Variants in ACER3 observed in about 807,000 individuals in gnomAD.
ACER3 encodes the protein alkaline ceramidase 3, also known as alkCDase 3.
Under a neutral mutation model 48.9 loss-of-function variants are expected in ACER3, and 16 were observed. That is an observed-to-expected ratio of 0.33 (90% CI 0.22 to 0.50). The LOEUF (loss-of-function observed/expected upper bound fraction) is 0.50, where lower values mean the gene tolerates loss of function less well. ACER3 is among the 20% of genes least tolerant of loss of function. ACER3 has a pLI of 0.98. For missense variants in ACER3, 227 were observed against 326.0 expected (o/e 0.70, Z 2.34); for synonymous variants, 109 against 107.8 (o/e 1.01, Z -0.07).
chr11:76,964,689 AC>A (rs1363303256), intron 3 of ACER3, among the ~76,000 whole-genome samples: 1 of 151,442 alleles, frequency 6.6e-6, no homozygotes, highest in East Asian at 1.9e-4. Context: ...CACTGCTGAT[AC>A]CCAGGCAAAC....
intron 7 of ACER3, among the ~76,000 whole-genome samples, chr11:77,014,681 T>A (rs1269102714): frequency 6.6e-6 from 1 of 152,210 alleles, no homozygotes; most frequent in Non-Finnish European, 1.5e-5. Flanking sequence ...TGGCTACATA[T>A]AGTAGGCAAA....
At chr11:76,983,114 A>G (rs1591029219) in intron 4 of ACER3, among the ~76,000 whole-genome samples, 1 of 152,284 alleles carries the variant, frequency 6.6e-6, no homozygotes, top group East Asian at 1.9e-4. Flanking sequence ...TTTTTACAAA[A>G]TAGCCTGCTG....
At chr11:76,961,399 C>CAT (rs1211482092) in intron 3 of ACER3, among the ~76,000 whole-genome samples, 1 of 151,866 alleles carries the variant, frequency 6.6e-6, no homozygotes, top group Admixed American at 6.6e-5. Context: ...TTTTAATACA[C>CAT]ATATATATAC....
intron 4 of ACER3, among the ~76,000 whole-genome samples, chr11:76,977,312 A>ATAGGCTT (rs1435739784): frequency 2.0e-5 from 3 of 152,202 alleles, no homozygotes; most frequent in African/African-American, 7.2e-5. Context: ...GAACACTTTG[A>ATAGGCTT]TAGGCTGCCT....
chr11:76,934,375 C>A (rs1652909183), intron 2 of ACER3, among the ~76,000 whole-genome samples: 1 of 152,230 alleles, frequency 6.6e-6, no homozygotes, highest in Non-Finnish European at 1.5e-5. Flanking sequence ...GAGATCACGC[C>A]ACTGCACTCC....
intron 1 of ACER3, among the ~76,000 whole-genome samples, chr11:76,892,782 TTAAA>T (rs1225925706): frequency 6.6e-6 from 1 of 152,172 alleles, no homozygotes; most frequent in Admixed American, 6.5e-5. Context: ...TTAAGTTAAA[TTAAA>T]TAAATTCAGA....
chr11:76,870,882 AT>A (rs757506229), intron 1 of ACER3, among the ~76,000 whole-genome samples: 1 of 152,218 alleles, frequency 6.6e-6, no homozygotes, highest in Non-Finnish European at 1.5e-5. Context: ...GATAAATGTG[AT>A]TTTTGAAATA....
At chr11:76,986,769 A>T (rs1450955241) in intron 5 of ACER3, among the ~76,000 whole-genome samples, 1 of 152,200 alleles carries the variant, frequency 6.6e-6, no homozygotes, top group African/African-American at 2.4e-5. Flanking sequence ...TTTATCCTCG[A>T]AGAAGTGTGG....
At chr11:76,965,084 A>C (rs1948102707) in intron 3 of ACER3, among the ~76,000 whole-genome samples, 1 of 151,316 alleles carries the variant, frequency 6.6e-6, no homozygotes, top group African/African-American at 2.5e-5. Context: ...TGAATGGCTA[A>C]CTAGAATAAC....
chr11:76,867,764 G>A (rs1323119348), intron 1 of ACER3, among the ~76,000 whole-genome samples: 1 of 152,224 alleles, frequency 6.6e-6, no homozygotes, highest in African/African-American at 2.4e-5. Flanking sequence ...TGGTTGGTAT[G>A]ACTTTCATGG....
At chr11:76,927,705 C>T (rs373361076) in intron 2 of ACER3, among the ~76,000 whole-genome samples, 6 of 151,652 alleles carry the variant, frequency 4.0e-5, no homozygotes, top group Admixed American at 2.6e-4. Context: ...TGAGAACATG[C>T]GGTGTTTGGT....
chr11:76,892,927 C>T (rs1245524180), intron 1 of ACER3, among the ~76,000 whole-genome samples: 4 of 152,000 alleles, frequency 2.6e-5, no homozygotes, highest in Non-Finnish European at 2.9e-5. Context: ...AAGACTCTAC[C>T]GAAAGCCTTT....
intron 2 of ACER3, among the ~76,000 whole-genome samples, chr11:76,928,453 C>T (rs1396668772): frequency 6.6e-6 from 1 of 152,152 alleles, no homozygotes; most frequent in Non-Finnish European, 1.5e-5. Flanking sequence ...TGTGCAGAAG[C>T]TCTTTAATTT....
At chr11:76,988,629 C>T (rs1235314643) in intron 5 of ACER3, among the ~76,000 whole-genome samples, 2 of 152,178 alleles carry the variant, frequency 1.3e-5, no homozygotes, top group Non-Finnish European at 2.9e-5. Context: ...CCTTCCCCAA[C>T]ACATAGGGAT....
intron 1 of ACER3, among the ~76,000 whole-genome samples, chr11:76,872,061 C>T (rs1945256433): frequency 7.7e-6 from 1 of 129,546 alleles, no homozygotes; most frequent in Admixed American, 8.8e-5. Flanking sequence ...AACTTTACCC[C>T]CCAAACCCTG....
intron 3 of ACER3, among the ~76,000 whole-genome samples, chr11:76,973,027 A>G (rs1948348665): frequency 6.6e-6 from 1 of 152,196 alleles, no homozygotes; most frequent in South Asian, 2.1e-4. Flanking sequence ...TCCTTTGTCA[A>G]GATAGTAACG....
chr11:76,950,164 T>C (rs1259525999), intron 2 of ACER3, among the ~76,000 whole-genome samples: 1 of 151,580 alleles, frequency 6.6e-6, no homozygotes, highest in East Asian at 2.0e-4. Flanking sequence ...TAATTATCTG[T>C]GTGCTTCCTA....
chr11:76,952,167 C>CAT (rs1364591609), intron 2 of ACER3, among the ~76,000 whole-genome samples: 7 of 150,234 alleles, frequency 4.7e-5, no homozygotes, highest in East Asian at 2.0e-4. Context: ...CACACACACA[C>CAT]ATATAAATAT....
In ACER3 at chr11:76,990,481, G is replaced by GT. The variant is rs1262250201; in HGVS notation, c.403-53dup. ...GGGATTTGCAGAGTAATTGGAGTCG[G>GT]TTTTTCCCCCCTTCATAATGTACTT... On this transcript the variant is annotated intron_variant, in intron 5 of 10. Coordinates refer to ENST00000532485, the MANE Select transcript of ACER3 (RefSeq NM_018367.7). The GT allele has an allele frequency of 2.4e-5, 30 of 1,264,944 alleles. No individual in the cohort carries two copies. The East Asian group carries it at 6.6e-4, about 28-fold the overall frequency. The allele number at this position is 1,264,944 out of a possible 1,614,324, so 78.4% of individuals were successfully genotyped here.
Sources: allele counts gnomAD v4.1 joint callset (sites outside exome capture counted in the v4.1 genomes callset), GRCh38; gene constraint gnomAD v4.1.1; transcripts MANE v1.5; gene names NCBI Gene and HGNC (gene_info 2026-07-23, HGNC 2026-07-21).